VPS13B: variants seen among roughly 807,000 people sequenced by gnomAD.
VPS13B encodes the protein intermembrane lipid transfer protein VPS13B.
A neutral mutation model predicts 426.4 loss-of-function variants in VPS13B; 285 were observed. That is an observed-to-expected ratio of 0.67 (90% CI 0.61 to 0.74). The LOEUF (loss-of-function observed/expected upper bound fraction) is 0.74. Ranked by LOEUF, VPS13B falls within the 30% of genes least tolerant of loss-of-function variation. The pLI, the probability that VPS13B is intolerant of heterozygous loss-of-function variation, is 0.00. For synonymous variants in VPS13B, 1,676 were observed against 1,676.4 expected (o/e 1.00, Z 0.01); for missense variants, 4,537 against 4,782.6 (o/e 0.95, Z 1.51).
At chr8:99,584,633 G>A (rs973023225) in intron 33 of VPS13B, among the ~76,000 whole-genome samples, 8 of 152,136 alleles carry the variant, frequency 5.3e-5, no homozygotes, top group Admixed American at 5.2e-4. Flanking sequence ...AGAACTCAGA[G>A]CAGTATATGA....
chr8:99,466,697 A>G (rs1819129481), intron 23 of VPS13B, among the ~76,000 whole-genome samples: 2 of 152,142 alleles, frequency 1.3e-5, no homozygotes, highest in Non-Finnish European at 2.9e-5. Context: ...AATAACTCAA[A>G]TGTAAGAATA....
chr8:99,662,214 A>G (rs1311411633), intron 35 of VPS13B, among the ~76,000 whole-genome samples: 1 of 152,012 alleles, frequency 6.6e-6, no homozygotes, highest in Non-Finnish European at 1.5e-5. Flanking sequence ...GGGCATAACT[A>G]AAGTTTTTTT....
intron 21 of VPS13B, among the ~76,000 whole-genome samples, chr8:99,419,484 C>G (rs1250172713): frequency 6.6e-6 from 1 of 152,132 alleles, no homozygotes; most frequent in Non-Finnish European, 1.5e-5. Context: ...AATGCTGCCT[C>G]TCCATTATGA....
intron 35 of VPS13B, among the ~76,000 whole-genome samples, chr8:99,672,356 G>A (rs1336194759): frequency 6.6e-6 from 1 of 152,066 alleles, no homozygotes; most frequent in Non-Finnish European, 1.5e-5. Flanking sequence ...GTATTCCTAA[G>A]TATTTAATAA....
At chr8:99,233,075 C>A in intron 17 of VPS13B, 1 of 1,337,262 alleles carries the variant, frequency 7.5e-7, no homozygotes, top group South Asian at 1.2e-5. Flanking sequence ...GAGGCGACTC[C>A]CTGAGGGTAT....
In VPS13B at chr8:99,797,968, C is replaced by T. The variant is rs557151823; in HGVS notation, c.7942-11407C>T. On this transcript the variant is annotated intron_variant, in intron 43 of 61. Transcript: ENST00000357162. ...TTATTGTTGTGTAGGGCACAGCTGTCTGCAACTAGCAGTTCCATTTGGGGA... is the reference window on the plus strand; with the variant it reads ...TTATTGTTGTGTAGGGCACAGCTGTTTGCAACTAGCAGTTCCATTTGGGGA... Among the ~76,000 whole-genome samples the T allele has an allele frequency of 2.6e-5, 4 of 152,154 alleles. No homozygotes were observed. In the South Asian group the frequency reaches 8.3e-4, roughly 32 times the overall value.
At chr8:99,760,222 A>T (rs1810859268) in intron 39 of VPS13B, among the ~76,000 whole-genome samples, 1 of 151,974 alleles carries the variant, frequency 6.6e-6, no homozygotes, top group Admixed American at 6.6e-5. Context: ...TGACCCTGTG[A>T]TCCACTTGCC....
intron 31 of VPS13B, among the ~76,000 whole-genome samples, chr8:99,573,821 T>C (rs1390614096): frequency 6.6e-6 from 1 of 152,216 alleles, no homozygotes; most frequent in African/African-American, 2.4e-5. Context: ...AAGTAGTTTT[T>C]TCCAATTCTG....
intron 23 of VPS13B, among the ~76,000 whole-genome samples, chr8:99,453,991 C>T (rs1818328905): frequency 6.6e-6 from 1 of 152,130 alleles, no homozygotes; most frequent in African/African-American, 2.4e-5. Flanking sequence ...AATATTTTTA[C>T]TGCCCCCAAA....
At chr8:99,498,194 T>G (rs1821033827) in intron 25 of VPS13B, among the ~76,000 whole-genome samples, 1 of 152,192 alleles carries the variant, frequency 6.6e-6, no homozygotes, top group Non-Finnish European at 1.5e-5. Flanking sequence ...CTTGTGTTAC[T>G]TGTATTAATT....
intron 33 of VPS13B, among the ~76,000 whole-genome samples, chr8:99,596,136 G>A (rs1827000092): frequency 6.6e-6 from 1 of 151,866 alleles, no homozygotes; most frequent in South Asian, 2.1e-4. Flanking sequence ...GAATAGATCA[G>A]CATTTGACAA....
At chr8:99,696,742 G>A (rs894245737) in intron 35 of VPS13B, 7 of 1,121,484 alleles carry the variant, frequency 6.2e-6, no homozygotes, top group Non-Finnish European at 9.6e-6. Context: ...TCCGGGGGAT[G>A]GGGGAGAGAC....
chr8:99,744,722 A>G (rs1302507602), intron 39 of VPS13B, among the ~76,000 whole-genome samples: 1 of 152,122 alleles, frequency 6.6e-6, no homozygotes, highest in South Asian at 2.1e-4. Flanking sequence ...TCTCAAGAAC[A>G]AAAAACCAAA....
intron 39 of VPS13B, among the ~76,000 whole-genome samples, chr8:99,764,193 T>G (rs749651932): frequency 7.2e-5 from 11 of 152,074 alleles, no homozygotes; most frequent in Non-Finnish European, 1.3e-4. Flanking sequence ...CAAAATATAG[T>G]GAGTCCTGTG....
rs192735716 is a variant in VPS13B, at chr8:99,875,255, C to T, written c.11746-163C>T. Among the ~76,000 whole-genome samples, 4 of 152,296 alleles carry T rather than the reference C, an allele frequency of 2.6e-5. No homozygotes were observed. In the East Asian group the frequency reaches 7.7e-4, roughly 29 times the overall value. ...TATACTGCTAAAACTGCATTGTTAT[C>T]GTTGCCATATCTCAGAGGAAAAAAG... is the stretch of plus-strand genomic sequence containing the variant. On this transcript the variant is annotated intron_variant, in intron 61 of 61. Coordinates refer to ENST00000357162, the MANE Select transcript of VPS13B (RefSeq NM_152564.5).
intron 14 of VPS13B, 121 bp from the exon 15 acceptor site, chr8:99,156,428 A>G (rs1047424476): frequency 3.4e-6 from 3 of 878,482 alleles, no homozygotes; most frequent in African/African-American, 3.3e-5. Flanking sequence ...GTAGAAAGGC[A>G]TCATTTCTAG....
At chr8:99,273,584 A>G (rs964834372) in intron 17 of VPS13B, among the ~76,000 whole-genome samples, 14 of 152,170 alleles carry the variant, frequency 9.2e-5, no homozygotes, top group Admixed American at 2.0e-4. Flanking sequence ...CAGGAGTTCA[A>G]GACCAGCCTG....
At chr8:99,553,615 A>G (rs189997073) in intron 30 of VPS13B, among the ~76,000 whole-genome samples, 65 of 152,236 alleles carry the variant, frequency 4.3e-4, no homozygotes, top group African/African-American at 1.3e-3. Flanking sequence ...TAGCTAAAGC[A>G]CAGAGAAGTT....
chr8:99,052,707 G>C (rs929693712), intron 3 of VPS13B, among the ~76,000 whole-genome samples: 2 of 151,984 alleles, frequency 1.3e-5, no homozygotes, highest in African/African-American at 4.8e-5. Flanking sequence ...CTCAATTTCA[G>C]AGCCTGTTAT....
Sources: gnomAD v4.1 joint callset for allele counts (sites outside exome capture counted in the v4.1 genomes callset) on GRCh38, gnomAD v4.1.1 for gene constraint, MANE v1.5 for transcripts, NCBI Gene and HGNC (gene_info 2026-07-23, HGNC 2026-07-21) for gene names.